Variants in ITM2B observed in about 807,000 individuals in gnomAD.
ITM2B encodes ABri/ADan amyloid peptide.
A neutral mutation model predicts 27.8 loss-of-function variants in ITM2B; 11 were observed. The ratio of observed to expected loss-of-function variants is 0.40; its 90% CI spans 0.25 to 0.66. The LOEUF is 0.66. ITM2B is among the 30% of genes least tolerant of loss of function. The pLI, the probability that ITM2B is intolerant of heterozygous loss-of-function variation, is 0.43. For missense variants in ITM2B, 296 were observed against 328.9 expected (o/e 0.90, Z 0.77); for synonymous variants, 114 against 114.3 (o/e 1.00, Z 0.02).
At chr13:48,247,746 T>G (rs1212650229) in intron 1 of ITM2B, among the ~76,000 whole-genome samples, 1 of 152,210 alleles carries the variant, frequency 6.6e-6, no homozygotes, top group Non-Finnish European at 1.5e-5. Flanking sequence ...TATTTTATTA[T>G]CCAATGCTGA....
At chr13:48,241,147 C>T (rs1328614169) in intron 1 of ITM2B, among the ~76,000 whole-genome samples, 1 of 152,214 alleles carries the variant, frequency 6.6e-6, no homozygotes, top group Non-Finnish European at 1.5e-5. Flanking sequence ...CATCCTTGTA[C>T]TGGAAACAAC....
intron 1 of ITM2B, among the ~76,000 whole-genome samples, chr13:48,251,481 T>A (rs1040704932): frequency 6.6e-6 from 1 of 152,234 alleles, no homozygotes; most frequent in African/African-American, 2.4e-5. Flanking sequence ...AGCATACATT[T>A]CCAGTGCCTA....
At chr13:48,244,357 G>T (rs535534790) in intron 1 of ITM2B, among the ~76,000 whole-genome samples, 3 of 152,322 alleles carry the variant, frequency 2.0e-5, no homozygotes, top group East Asian at 3.9e-4. Flanking sequence ...GAGTAAGGGA[G>T]CAACATTCAA....
At chr13:48,234,017 G>A (rs1951652797) in intron 1 of ITM2B, among the ~76,000 whole-genome samples, 1 of 152,078 alleles carries the variant, frequency 6.6e-6, no homozygotes, top group Non-Finnish European at 1.5e-5. Flanking sequence ...ACGGCCCTTC[G>A]GTAGTGGCAG....
chr13:48,242,936 T>A (rs1951707936), intron 1 of ITM2B, among the ~76,000 whole-genome samples: 2 of 152,230 alleles, frequency 1.3e-5, no homozygotes, highest in Admixed American at 1.3e-4. Flanking sequence ...CAGGAGGAAG[T>A]AAACAAACAT....
intron 1 of ITM2B, among the ~76,000 whole-genome samples, chr13:48,241,792 T>C (rs1034359259): frequency 1.3e-5 from 2 of 152,368 alleles, no homozygotes; most frequent in Middle Eastern, 3.4e-3. Context: ...GCTTAGCTTC[T>C]GGAAAATTGC....
intron 2 of ITM2B, among the ~76,000 whole-genome samples, chr13:48,254,499 A>T (rs1019377753): frequency 2.6e-5 from 4 of 152,240 alleles, no homozygotes; most frequent in African/African-American, 7.2e-5. Flanking sequence ...CCAGTGGGTT[A>T]AGACAAAGGT....
rs139759113 is a variant in ITM2B, at chr13:48,236,285, A to G, written c.117+2808A>G. ...TGAAATTATATACATGTTTTATGCT[A>G]TAGGCAACAATTCATATATTTTTGT... is the stretch of plus-strand genomic sequence containing the variant. On this transcript the variant is annotated intron_variant, in intron 1 of 5. Transcript: ENST00000647800. 2.8e-3 allele frequency among the ~76,000 whole-genome samples: 423 copies of G among 152,318 alleles called. 2 individuals are homozygous for G. The highest frequency in any genetic ancestry group is 9.6e-3 in the African/African-American group (397 of 41,568).
At chr13:48,261,100 G>C (rs1238824246) in intron 5 of ITM2B, 39 bp from the exon 6 acceptor site, 1 of 1,276,534 alleles carries the variant, frequency 7.8e-7, no homozygotes. Context: ...TATTATTAAA[G>C]AATCAAAATT....
At chr13:48,239,120 T>C (rs1951685295) in intron 1 of ITM2B, among the ~76,000 whole-genome samples, 2 of 152,234 alleles carry the variant, frequency 1.3e-5, no homozygotes, top group Non-Finnish European at 2.9e-5. Flanking sequence ...AGAGCTAGTC[T>C]ATTTAGCTTT....
In ITM2B at chr13:48,258,166, A is replaced by T; in HGVS notation, c.494A>T (p.Tyr165Phe). Residue 165 changes from tyrosine (Y) to phenylalanine (F), a missense_variant, in exon 4 of 6, where the codon TAT becomes TTT. By Grantham distance (22) the Tyr-to-Phe change is conservative (BLOSUM62 3). Transcript: ENST00000647800. ...TTAGATCTTAACCTGGATAAGTGCT[A>T]TGTGATCCCTCTGAACACTTCCATT... Reference protein sequence around the residue: ...AYLDLNLDKCYVIPLNTSIVM... With the variant: ...AYLDLNLDKCFVIPLNTSIVM... 6.2e-7 allele frequency: 1 copy of T among 1,605,182 alleles called. No individual in the cohort carries two copies.
In ITM2B at chr13:48,264,127, G is replaced by T. The variant is rs1951837923; in HGVS notation, c.*2903G>T. 2.0e-5 allele frequency: 3 copies of T among 152,134 alleles called. No homozygotes were observed. Among genetic ancestry groups the T allele is most frequent in the Admixed American group, 2.0e-4 (3 of 15,246 alleles). The allele number at this position is 152,134 out of a possible 1,614,324, so 9.4% of individuals were successfully genotyped here. A position where few individuals can be genotyped will look rare whatever the true frequency, so the allele number is the denominator to read the frequency against. On this transcript the variant is annotated 3_prime_UTR_variant, in exon 6 of 6. Transcript: ENST00000647800. ...TTTGTGATGCAGGAGTGAGAATCTG[G>T]AGAATCTGGCTTAAGAGGTGGCTGA...
intron 5 of ITM2B, among the ~76,000 whole-genome samples, chr13:48,259,374 T>C (rs1025704304): frequency 2.0e-5 from 3 of 152,232 alleles, no homozygotes; most frequent in Admixed American, 6.5e-5. Context: ...GTCAGGGTAG[T>C]TGGAAAGGAA....
chr13:48,257,983 C>T, intron 3 of ITM2B, 143 bp from the exon 4 acceptor site: 1 of 599,236 alleles, frequency 1.7e-6, no homozygotes. Flanking sequence ...TTTATCCAGC[C>T]AAATTCTGAA....
At chr13:48,255,230 A>AGT (rs57255200) in intron 2 of ITM2B, among the ~76,000 whole-genome samples, 3,605 of 149,678 alleles carry the variant, frequency 0.024, 65 homozygotes, top group Non-Finnish European at 0.038. Flanking sequence ...TAGTGTGTGT[A>AGT]GTGTGTGTGT....
chr13:48,236,822 C>T (rs1044191761), intron 1 of ITM2B, among the ~76,000 whole-genome samples: 3 of 152,208 alleles, frequency 2.0e-5, no homozygotes, highest in Non-Finnish European at 4.4e-5. Flanking sequence ...AAGCTTGCTT[C>T]ATATGTATCC....
At chr13:48,250,242 T>C (rs2137988124) in intron 1 of ITM2B, among the ~76,000 whole-genome samples, 1 of 152,308 alleles carries the variant, frequency 6.6e-6, no homozygotes, top group African/African-American at 2.4e-5. Flanking sequence ...ATGTTGCATC[T>C]CTCCCTTCCC....
At chr13:48,239,573 A>G (rs1951687895) in intron 1 of ITM2B, among the ~76,000 whole-genome samples, 1 of 152,224 alleles carries the variant, frequency 6.6e-6, no homozygotes, top group Admixed American at 6.5e-5. Context: ...TGGAGGCTGC[A>G]GTGAGCTGAG....
intron 3 of ITM2B, among the ~76,000 whole-genome samples, chr13:48,257,742 G>T (rs1370508562): frequency 6.6e-6 from 1 of 152,096 alleles, no homozygotes; most frequent in Non-Finnish European, 1.5e-5. Context: ...AATGTTCTAA[G>T]GATGGTAGTA....
Sources: allele counts gnomAD v4.1 joint callset (sites outside exome capture counted in the v4.1 genomes callset), GRCh38; gene constraint gnomAD v4.1.1; transcripts MANE v1.5; gene names NCBI Gene and HGNC (gene_info 2026-07-23, HGNC 2026-07-21).